The following SNTB1 variants were observed in gnomAD, a reference collection of about 807,000 sequenced individuals.
SNTB1 encodes syntrophin beta 1, also known as beta-1-syntrophin.
SNTB1 carries 36 observed loss-of-function variants against 48.9 expected under a neutral mutation model. The ratio of observed to expected loss-of-function variants is 0.74; its 90% confidence interval spans 0.56 to 0.97. The LOEUF is 0.97. Ranked by LOEUF, SNTB1 falls within the 50% of genes least tolerant of loss-of-function variation. The pLI is 0.00. For synonymous variants in SNTB1, 299 were observed against 294.6 expected, an observed-to-expected ratio of 1.01 and a Z score of -0.15; for missense variants, 786 against 703.4, an observed-to-expected ratio of 1.12 and a Z score of -1.33.
At position 120,645,577 on chromosome 8, in the gene SNTB1, T is replaced by G. The variant is rs1370762426; in HGVS notation, c.789-12926A>C. ...TTTTGGTTACTGTAGCCTTGTAGTA[T>G]AGTTTGAAGTCAGGTAGTGTGATGC... On this transcript the variant is annotated intron_variant, in intron 2 of 6. Coordinates refer to ENST00000517992, the MANE Select transcript of SNTB1 (RefSeq NM_021021.4). Among the ~76,000 whole-genome samples the G allele has an allele frequency of 1.4e-4, 20 of 146,508 alleles. 1 individual carries two copies. Among genetic ancestry groups the G allele is most frequent in the African/African-American group, 4.5e-4 (18 of 39,804 alleles).
intron 1 of SNTB1, among the ~76,000 whole-genome samples, chr8:120,804,987 C>T (rs1379664093): frequency 6.6e-6 from 1 of 152,162 alleles, no homozygotes; most frequent in Admixed American, 6.5e-5. Flanking sequence ...TGGTACTTAT[C>T]TGTATCTGTC....
intron 2 of SNTB1, among the ~76,000 whole-genome samples, chr8:120,649,776 C>T (rs1368248385): frequency 6.6e-6 from 1 of 152,222 alleles, no homozygotes; most frequent in Non-Finnish European, 1.5e-5. Context: ...CTAGCTGCCA[C>T]CTTGCAGTTG....
intron 1 of SNTB1, among the ~76,000 whole-genome samples, chr8:120,794,228 A>T (rs78739935): frequency 0.011 from 1,622 of 152,146 alleles, 37 homozygotes; most frequent in African/African-American, 0.035. Flanking sequence ...GACACAATCC[A>T]GTAACTTGGA....
chr8:120,638,110 A>G (rs1817114069), intron 2 of SNTB1: 2 of 153,124 alleles, frequency 1.3e-5, no homozygotes, highest in Non-Finnish European at 2.9e-5. Context: ...AACCAGGGAT[A>G]TTGGGGTTTT....
At chr8:120,562,730 A>T (rs1305032249) in intron 4 of SNTB1, among the ~76,000 whole-genome samples, 1 of 152,100 alleles carries the variant, frequency 6.6e-6, no homozygotes, top group Non-Finnish European at 1.5e-5. Flanking sequence ...AATTCCTAAA[A>T]TTTCTGAGGC....
At chr8:120,711,521 T>G (rs1473523377) in intron 1 of SNTB1, among the ~76,000 whole-genome samples, 1 of 152,194 alleles carries the variant, frequency 6.6e-6, no homozygotes, top group Non-Finnish European at 1.5e-5. Flanking sequence ...CAAGACTGTT[T>G]ACTGTGTAAA....
chr8:120,768,213 C>T (rs917048082), intron 1 of SNTB1, among the ~76,000 whole-genome samples: 11 of 152,098 alleles, frequency 7.2e-5, no homozygotes, highest in Admixed American at 2.0e-4. Context: ...ATGATGTTAC[C>T]GCAGTCTCCT....
At chr8:120,629,550 T>C (rs1020312689) in intron 3 of SNTB1, among the ~76,000 whole-genome samples, 2 of 152,212 alleles carry the variant, frequency 1.3e-5, no homozygotes, top group African/African-American at 2.4e-5. Flanking sequence ...ATTCATGATA[T>C]TTGTGATACT....
At chr8:120,644,808 A>T (rs1817256970) in intron 2 of SNTB1, among the ~76,000 whole-genome samples, 1 of 149,858 alleles carries the variant, frequency 6.7e-6, no homozygotes, top group Admixed American at 6.6e-5. Flanking sequence ...GTTTCTCCAC[A>T]TCCTCTCCAG....
chr8:120,674,211 T>C (rs1817800234), intron 2 of SNTB1, among the ~76,000 whole-genome samples: 1 of 152,214 alleles, frequency 6.6e-6, no homozygotes, highest in African/African-American at 2.4e-5. Flanking sequence ...GCAGGAATGC[T>C]GAATGGGAAA....
intron 1 of SNTB1, among the ~76,000 whole-genome samples, chr8:120,742,839 C>A (rs57991594): frequency 0.13 from 19,983 of 152,120 alleles, 1,720 homozygotes; most frequent in African/African-American, 0.24. Flanking sequence ...TCTTCTGGGT[C>A]TTGCAGAGAG....
At chr8:120,701,196 C>G (rs995395789) in intron 1 of SNTB1, among the ~76,000 whole-genome samples, 2 of 152,030 alleles carry the variant, frequency 1.3e-5, no homozygotes, top group Non-Finnish European at 2.9e-5. Flanking sequence ...TCAAAAAGAC[C>G]AAGAAATGAT....
intron 2 of SNTB1, among the ~76,000 whole-genome samples, chr8:120,649,983 C>T (rs998822503): frequency 6.6e-6 from 1 of 152,212 alleles, no homozygotes; most frequent in East Asian, 1.9e-4. Context: ...CTCCCTGACC[C>T]CTTGCACTTC....
chr8:120,574,959 A>C, intron 4 of SNTB1, 127 bp downstream of exon 4: 2 of 1,133,504 alleles, frequency 1.8e-6, no homozygotes, highest in Non-Finnish European at 2.5e-6. Context: ...ATGTGTGGCT[A>C]TATTCTTAAG....
intron 1 of SNTB1, among the ~76,000 whole-genome samples, chr8:120,743,178 C>A (rs1819070766): frequency 6.6e-6 from 1 of 152,120 alleles, no homozygotes; most frequent in Admixed American, 6.5e-5. Context: ...AATTGTTCCA[C>A]AAGGAAACTT....
At chr8:120,728,846 A>G (rs1163894440) in intron 1 of SNTB1, among the ~76,000 whole-genome samples, 1 of 152,218 alleles carries the variant, frequency 6.6e-6, no homozygotes, top group Admixed American at 6.5e-5. Flanking sequence ...TTTCTAGGTC[A>G]AGTGGTAGTT....
chr8:120,619,912 G>T (rs980826258), intron 3 of SNTB1, among the ~76,000 whole-genome samples: 1 of 152,180 alleles, frequency 6.6e-6, no homozygotes, highest in East Asian at 1.9e-4. Context: ...AAACGATGGT[G>T]TTGATGGAAG....
chr8:120,559,780 C>A (rs117647063), intron 4 of SNTB1, among the ~76,000 whole-genome samples: 1,648 of 152,204 alleles, frequency 0.011, 31 homozygotes, highest in South Asian at 0.064. Context: ...TTATTAATAT[C>A]CTTAATTAAA....
chr8:120,685,173 T>A (rs1003846326), intron 2 of SNTB1, among the ~76,000 whole-genome samples: 1 of 151,908 alleles, frequency 6.6e-6, no homozygotes, highest in Non-Finnish European at 1.5e-5. Flanking sequence ...TGGTGGGAGG[T>A]CTTGTCCCTG....
Sources: gnomAD v4.1 joint callset for allele counts (sites outside exome capture counted in the v4.1 genomes callset) on GRCh38, gnomAD v4.1.1 for gene constraint, MANE v1.5 for transcripts, NCBI Gene and HGNC (gene_info 2026-07-23, HGNC 2026-07-21) for gene names.